The following SLC41A1 variants were observed in gnomAD, a reference collection of about 807,000 sequenced individuals.
SLC41A1 encodes solute carrier family 41 member 1.
SLC41A1 carries 20 observed loss-of-function variants against 47.3 expected under a neutral mutation model. The observed-to-expected ratio is 0.42, with a 90% confidence interval of 0.30 to 0.61. SLC41A1 has a LOEUF of 0.61. Ranked by LOEUF, SLC41A1 falls within the 20% of genes least tolerant of loss-of-function variation. The probability of loss-of-function intolerance (pLI) is 0.17; values close to 1 mark genes in which losing one functional copy is unlikely to be tolerated. For synonymous variants in SLC41A1, 282 were observed against 272.7 expected (o/e 1.03, Z -0.34); for missense variants, 504 against 674.1 (o/e 0.75, Z 2.79).
rs769611601 is a variant in SLC41A1 at position 205,797,896 on chromosome 1, C to T, written c.992+8G>A. 12 of 1,614,026 alleles carry T rather than the reference C, an allele frequency of 7.4e-6. No individual in the cohort carries two copies. In the Admixed American group the frequency reaches 2.0e-4, roughly 27 times the overall value. ...GGGTAGGAGTGGATACTCAGGGCCC[C>T]AGCCTACCTGCTGATGGCCATGGCA... On this transcript the variant is annotated splice_region_variant and intron_variant, in intron 7 of 10. Coordinates refer to ENST00000367137, the MANE Select transcript of SLC41A1 (RefSeq NM_173854.6).
At chr1:205,794,565 C>A (rs943032498) in intron 10 of SLC41A1, among the ~76,000 whole-genome samples, 6 of 152,076 alleles carry the variant, frequency 3.9e-5, no homozygotes, top group African/African-American at 1.4e-4. Context: ...GGCATGCAAA[C>A]CCCACAGGCT....
At chr1:205,794,189 T>A (rs1201874229) in intron 10 of SLC41A1, among the ~76,000 whole-genome samples, 2 of 152,196 alleles carry the variant, frequency 1.3e-5, no homozygotes, top group African/African-American at 2.4e-5. Flanking sequence ...TCAATCTGAA[T>A]AAGCACTGCA....
In SLC41A1 at chr1:205,798,687, C is replaced by T; in HGVS notation, c.826G>A (p.Gly276Arg). The change falls in exon 6 of 11, where the codon GGA (glycine) becomes AGA (arginine). Residue 276 changes from glycine (G) to arginine (R), a missense_variant. This residue lies in a region of SLC41A1 where 421 missense variants were observed against 601.6 expected (regional missense o/e 0.70). Coordinates refer to ENST00000367137, the MANE Select transcript of SLC41A1 (RefSeq NM_173854.6). The part of the protein sequence containing the change: ...TLALLSGISW[G>R]LYLELNHWRY... Reference sequence around the variant, plus strand: ...GGCTCACTCAGTTCCAGGTAGAGTCCCCAGCTGATGCCTGAGAGCAGCGCC... The same window carrying T: ...GGCTCACTCAGTTCCAGGTAGAGTCTCCAGCTGATGCCTGAGAGCAGCGCC... The T allele has an allele frequency of 6.2e-7, 1 of 1,614,130 alleles. No homozygotes were observed. Among genetic ancestry groups the T allele is most frequent in the Non-Finnish European group, 8.5e-7 (1 of 1,180,020 alleles).
chr1:205,792,704 C>T (rs1370220940), intron 10 of SLC41A1, among the ~76,000 whole-genome samples: 2 of 152,184 alleles, frequency 1.3e-5, no homozygotes, highest in Non-Finnish European at 2.9e-5. Context: ...CAGTGCCTGA[C>T]ATTTGGGCTC....
Position 205,799,082 on chromosome 1 carries a change from C to G in SLC41A1, c.572G>C (p.Gly191Ala). Residue 191 changes from glycine (G) to alanine (A), a missense_variant, in exon 5 of 11, where the codon GGC becomes GCC. Physicochemically the swap from Gly to Ala is moderately conservative, Grantham distance 60 (BLOSUM62 0). Transcript: ENST00000367137. ...ALIQVQATVV[G>A]FLASIAAVVF... is the part of the protein sequence containing the mutation. ...GACGGCTGCGATGGACGCCAGGAAGCCCACCACCGTGGCCTGCACCTGGGG... is the reference window on the plus strand; with the variant it reads ...GACGGCTGCGATGGACGCCAGGAAGGCCACCACCGTGGCCTGCACCTGGGG... 6.2e-7 allele frequency: 1 copy of G among 1,612,346 alleles called. No homozygotes were observed. The highest frequency in any genetic ancestry group is 2.0e-4 in the Middle Eastern group (1 of 5,010).
At position 205,808,264 on chromosome 1, in the gene SLC41A1, G is replaced by A. The variant is rs76951503; in HGVS notation, c.372+1806C>T. Among the ~76,000 whole-genome samples, 1,504 of 152,260 alleles carry A rather than the reference G, an allele frequency of 9.9e-3. 15 individuals are homozygous for A. Among genetic ancestry groups the A allele is most frequent in the South Asian group, 0.026 (126 of 4,824 alleles). ...AGCCACTGAGCTCGGCCCCCTCTCC[G>A]AGTTTTTAACCAACTGGTGAACCAT... On this transcript the variant is annotated intron_variant, in intron 2 of 10. Coordinates refer to ENST00000367137, the MANE Select transcript of SLC41A1 (RefSeq NM_173854.6).
Position 205,813,097 on chromosome 1 carries a change from G to C in SLC41A1, c.-936C>G, listed in dbSNP as rs1236188458. ...GGCCCGGCGGGGGGGCACCCGGACG[G>C]GGGACCGGGGAGCCGAGCTCACGCG... On this transcript the variant is annotated 5_prime_UTR_variant, in exon 1 of 11. Transcript: ENST00000367137. The C allele has an allele frequency of 2.0e-6, 2 of 985,396 alleles. No homozygotes were observed. The highest frequency in any genetic ancestry group is 2.4e-6 in the Non-Finnish European group (2 of 830,014). The allele number at this position is 985,396 out of a possible 1,614,324, so 61.0% of individuals were successfully genotyped here. A position where few individuals can be genotyped will look rare whatever the true frequency, so the allele number is the denominator to read the frequency against.
Position 205,810,487 on chromosome 1 carries a change from T to C in SLC41A1, c.-46A>G, listed in dbSNP as rs200837129. 9.3e-6 allele frequency: 15 copies of C among 1,613,624 alleles called. No individual in the cohort carries two copies. The Admixed American group carries it at 2.0e-4, about 22-fold the overall frequency. On this transcript the variant is annotated 5_prime_UTR_variant, in exon 2 of 11. Transcript: ENST00000367137. This position sits in a 1 kb window ranked among gnomAD's most constrained non-coding sequence, Gnocchi z 5.5. ...AGGGAGAACTTTCCTCTCTTCTTTT[T>C]GCTTTCTCTCTTCTTCTCTAACTTG...
At chr1:205,808,908 A>T (rs920704674) in intron 2 of SLC41A1, among the ~76,000 whole-genome samples, 2 of 152,244 alleles carry the variant, frequency 1.3e-5, no homozygotes, top group African/African-American at 2.4e-5. Context: ...GGACACAGGC[A>T]TGGTGAGACC....
At chr1:205,803,632 C>CTTTTTTTTTTTTTTT (rs140199204) in intron 2 of SLC41A1, among the ~76,000 whole-genome samples, 1 of 121,034 alleles carries the variant, frequency 8.3e-6, no homozygotes. Context: ...TAGTCAAATT[C>CTTTTTTTTTTTTTTT]TTTTTTTTTT....
At chr1:205,803,963 G>T (rs535983710) in intron 2 of SLC41A1, among the ~76,000 whole-genome samples, 1 of 152,294 alleles carries the variant, frequency 6.6e-6, no homozygotes, top group East Asian at 1.9e-4. Context: ...AATGGTGGAA[G>T]CAAGGCGCTG....
In SLC41A1 at chr1:205,810,063, G is replaced by C. The variant is rs1179680322; in HGVS notation, c.372+7C>G. Reference sequence around the variant, plus strand: ...CACAGTCAAGAGCTGCCCTACTCAGGTCCTACCTGCACGATGTCCAACACC... The same window carrying C: ...CACAGTCAAGAGCTGCCCTACTCAGCTCCTACCTGCACGATGTCCAACACC... On this transcript the variant is annotated splice_region_variant and intron_variant, in intron 2 of 10. Transcript: ENST00000367137. The surrounding 1 kb of genome is among the most constrained non-coding windows in gnomAD (Gnocchi z 5.5). The C allele has an allele frequency of 6.2e-7, 1 of 1,614,068 alleles. No individual in the cohort carries two copies. Among genetic ancestry groups the C allele is most frequent in the Admixed American group, 1.7e-5 (1 of 60,006 alleles).
rs769898798 is a variant in SLC41A1, at chr1:205,791,589, G to T, written c.1486C>A (p.Leu496Ile). The T allele has an allele frequency of 1.9e-6, 3 of 1,614,172 alleles. No individual in the cohort carries two copies. In the South Asian group the frequency reaches 3.3e-5, roughly 18 times the overall value. Residue 496 changes from leucine to isoleucine, a missense_variant, in exon 11 of 11, where the codon CTC (leucine) becomes ATC (isoleucine). Physicochemically the swap from Leu to Ile is conservative, Grantham distance 5 (BLOSUM62 2). Around this residue, in one of 2 missense-constraint regions of SLC41A1, gnomAD observed 421 missense variants for 601.6 expected, o/e 0.70. Coordinates refer to ENST00000367137, the MANE Select transcript of SLC41A1 (RefSeq NM_173854.6). This position sits in a 1 kb window ranked among gnomAD's most constrained non-coding sequence, Gnocchi z 4.0. ...GDLLGTGLLA[L>I]SFHVLWLIGD... ...ATGAGCCAGAGAACATGGAAGCTGA[G>T]TGCTAGGAGCCCAGTGCCAAGCAGG...
At chr1:205,797,067 A>T in intron 7 of SLC41A1, 64 bp from the exon 8 acceptor site, 1 of 1,454,646 alleles carries the variant, frequency 6.9e-7, no homozygotes. Flanking sequence ...AGTCTCTGGG[A>T]TGAGAGGTCC....
At chr1:205,792,141 G>A (rs1264968395) in intron 10 of SLC41A1, among the ~76,000 whole-genome samples, 3 of 152,172 alleles carry the variant, frequency 2.0e-5, no homozygotes, top group Non-Finnish European at 2.9e-5. Flanking sequence ...GCTGGCTGCT[G>A]GAGTCAGCTT....
chr1:205,809,437 T>C (rs1656091477), intron 2 of SLC41A1, among the ~76,000 whole-genome samples: 1 of 152,206 alleles, frequency 6.6e-6, no homozygotes, highest in African/African-American at 2.4e-5. Context: ...TGTCCCCATT[T>C]ACAGCAGATA....
intron 4 of SLC41A1, 28 bp downstream of exon 4, chr1:205,799,731 C>T: frequency 2.5e-6 from 4 of 1,612,576 alleles, no homozygotes; most frequent in South Asian, 1.1e-5. Flanking sequence ...GAAGCTTAGC[C>T]CACCCTCTCT....
chr1:205,807,648 G>GTTTTTTTTTTTTTTTTTTTTTTTTT (rs1170069554), intron 2 of SLC41A1, among the ~76,000 whole-genome samples: 4 of 100,124 alleles, frequency 4.0e-5, no homozygotes, highest in African/African-American at 3.4e-5. Flanking sequence ...TCCTCGTAGA[G>GTTTTTTTTTTTTTTTTTTTTTTTTT]TCTTTTTTTT....
chr1:205,804,847 T>C (rs976924770), intron 2 of SLC41A1, among the ~76,000 whole-genome samples: 1 of 152,210 alleles, frequency 6.6e-6, no homozygotes, highest in African/African-American at 2.4e-5. Context: ...GTAATGTACA[T>C]GTACTCATAG....
Sources: gnomAD v4.1 joint callset for allele counts (sites outside exome capture counted in the v4.1 genomes callset) on GRCh38, gnomAD v4.1.1 for gene constraint, gnomAD v4.1.1 regional missense constraint, Gnocchi (gnomAD v3.1) non-coding constraint, MANE v1.5 for transcripts, NCBI Gene and HGNC (gene_info 2026-07-23, HGNC 2026-07-21) for gene names.